LARGE1: variants seen among roughly 807,000 people sequenced by gnomAD.
The protein encoded by LARGE1 is xylosyl- and glucuronyltransferase LARGE1.
LARGE1 carries 43 observed loss-of-function variants against 87.6 expected under a neutral mutation model. The observed-to-expected ratio is 0.49, with a 90% CI of 0.38 to 0.63. LARGE1 has a LOEUF of 0.63. Ranked by LOEUF, LARGE1 falls within the 30% of genes least tolerant of loss-of-function variation. The pLI is 0.00. For synonymous variants in LARGE1, 434 were observed against 394.6 expected, an observed-to-expected ratio of 1.10 and a Z score of -1.18; for missense variants, 802 against 1,000.2, an observed-to-expected ratio of 0.80 and a Z score of 2.67.
At chr22:33,167,575 T>C (rs1922340386) in intron 11 of LARGE1, among the ~76,000 whole-genome samples, 1 of 152,220 alleles carries the variant, frequency 6.6e-6, no homozygotes, top group Non-Finnish European at 1.5e-5. Context: ...GTAAGGTTCC[T>C]GTTGCATTTT....
chr22:33,430,843 T>A (rs2147705962), intron 7 of LARGE1, among the ~76,000 whole-genome samples: 1 of 152,318 alleles, frequency 6.6e-6, no homozygotes, highest in East Asian at 1.9e-4. Context: ...TGTTTGCATT[T>A]GACTTTTCTG....
At chr22:33,666,073 G>T (rs945637945) in intron 2 of LARGE1, among the ~76,000 whole-genome samples, 2 of 152,170 alleles carry the variant, frequency 1.3e-5, no homozygotes, top group African/African-American at 4.8e-5. Flanking sequence ...AATAAAGGTT[G>T]TACTTCTATA....
At chr22:33,840,825 G>A (rs765008531) in intron 1 of LARGE1, among the ~76,000 whole-genome samples, 8 of 152,050 alleles carry the variant, frequency 5.3e-5, no homozygotes, top group Non-Finnish European at 1.0e-4. Context: ...GTTTCGTCAC[G>A]TTGCCCAGGC....
At chr22:33,639,450 T>C (rs2080364518) in intron 3 of LARGE1, among the ~76,000 whole-genome samples, 1 of 152,228 alleles carries the variant, frequency 6.6e-6, no homozygotes, top group South Asian at 2.1e-4. Context: ...CAGGTACCAG[T>C]GGAGAAGTTG....
At chr22:33,831,503 TCTC>T (rs2062967444) in intron 1 of LARGE1, among the ~76,000 whole-genome samples, 2 of 152,044 alleles carry the variant, frequency 1.3e-5, no homozygotes, top group African/African-American at 4.8e-5. Flanking sequence ...AGCTGCCTCT[TCTC>T]CTCTTGCCCT....
intron 11 of LARGE1, among the ~76,000 whole-genome samples, chr22:33,253,498 G>T (rs1927105971): frequency 6.6e-6 from 1 of 152,194 alleles, no homozygotes; most frequent in African/African-American, 2.4e-5. Flanking sequence ...GATCACTTAA[G>T]GTCAGGAGTT....
intron 11 of LARGE1, among the ~76,000 whole-genome samples, chr22:33,252,251 T>TCCC (rs34458283): frequency 7.4e-4 from 83 of 111,552 alleles, no homozygotes; most frequent in African/African-American, 8.9e-4. Context: ...ATTCCTTCAT[T>TCCC]CCCCCCCCCC....
intron 9 of LARGE1, 42 bp downstream of exon 9, chr22:33,381,877 C>T (rs554378382): frequency 6.2e-7 from 1 of 1,613,130 alleles, no homozygotes; most frequent in Non-Finnish European, 8.5e-7. Context: ...CCTCTCGGCC[C>T]ACCTCACCCT....
chr22:33,183,608 A>ACACACACGCACG (rs1923293000), intron 11 of LARGE1, among the ~76,000 whole-genome samples: 1 of 90,126 alleles, frequency 1.1e-5, no homozygotes, highest in African/African-American at 4.0e-5. Context: ...TAAAACACAC[A>ACACACACGCACG]CACACACACA....
intron 9 of LARGE1, among the ~76,000 whole-genome samples, chr22:33,367,893 A>C (rs1016660440): frequency 6.6e-6 from 1 of 152,134 alleles, no homozygotes; most frequent in South Asian, 2.1e-4. Context: ...TTTAGGCTCT[A>C]AGTAGTTTTC....
At chr22:33,282,957 T>C (rs910184577) in intron 13 of LARGE1, among the ~76,000 whole-genome samples, 1 of 152,108 alleles carries the variant, frequency 6.6e-6, no homozygotes, top group Non-Finnish European at 1.5e-5. Context: ...CCTCCAAACA[T>C]GCCTACCCTT....
intron 6 of LARGE1, among the ~76,000 whole-genome samples, chr22:33,556,848 T>C (rs1415644419): frequency 6.6e-6 from 1 of 151,450 alleles, no homozygotes; most frequent in East Asian, 1.9e-4. Context: ...TCTAGTAAAA[T>C]ACAAAAAATC....
chr22:33,232,918 G>T (rs867191019), intron 11 of LARGE1, among the ~76,000 whole-genome samples: 12 of 152,310 alleles, frequency 7.9e-5, no homozygotes, highest in South Asian at 2.1e-4. Context: ...CCATGTTTCT[G>T]GGGGCAGGGA....
intron 2 of LARGE1, among the ~76,000 whole-genome samples, chr22:33,759,104 C>A (rs2084627172): frequency 1.3e-5 from 2 of 152,164 alleles, no homozygotes; most frequent in African/African-American, 4.8e-5. Context: ...AAAACCAAGG[C>A]AGAGAAAAAT....
chr22:33,881,432 G>C (rs1268366928), intron 1 of LARGE1, among the ~76,000 whole-genome samples: 2 of 152,192 alleles, frequency 1.3e-5, no homozygotes, highest in African/African-American at 4.8e-5. Flanking sequence ...ACCTGGAAAG[G>C]ATTTTTGAGA....
chr22:33,120,398 C>CTT, the LARGE1 span, among the ~76,000 whole-genome samples: 3 of 94,016 alleles, frequency 3.2e-5, no homozygotes, highest in East Asian at 7.4e-4. Context: ...TTCTTTCTTT[C>CTT]TTTCTTTCTT....
At chr22:33,875,104 A>G (rs1187341086) in intron 1 of LARGE1, among the ~76,000 whole-genome samples, 1 of 152,232 alleles carries the variant, frequency 6.6e-6, no homozygotes, top group African/African-American at 2.4e-5. Flanking sequence ...CACTAGGATT[A>G]TAATAAATAT....
chr22:33,682,197 G>T (rs1267331069), intron 2 of LARGE1, among the ~76,000 whole-genome samples: 3 of 152,150 alleles, frequency 2.0e-5, no homozygotes, highest in African/African-American at 4.8e-5. Context: ...TAAATCTGTT[G>T]TACTCCTCCA....
At chr22:33,228,777 T>A (rs1252242295) in intron 11 of LARGE1, among the ~76,000 whole-genome samples, 1 of 152,148 alleles carries the variant, frequency 6.6e-6, no homozygotes, top group Non-Finnish European at 1.5e-5. Context: ...ACAGGGGTCT[T>A]ATCAATCAGT....
Sources: allele counts gnomAD v4.1 joint callset (sites outside exome capture counted in the v4.1 genomes callset), GRCh38; gene constraint gnomAD v4.1.1; transcripts MANE v1.5; gene names NCBI Gene and HGNC (gene_info 2026-07-23, HGNC 2026-07-21).